The following ALDH4A1 variants were observed in gnomAD, a reference collection of about 807,000 sequenced individuals.
The protein encoded by ALDH4A1 is aldehyde dehydrogenase 4 family member A1.
In ALDH4A1, 46 loss-of-function variants were observed where a neutral mutation model predicts 70.5. That is an observed-to-expected ratio of 0.65 (90% CI 0.51 to 0.83). The LOEUF is 0.83. Among genes scored for constraint, ALDH4A1 ranks in the 40% least tolerant of loss-of-function variants. The pLI is 0.00. For synonymous variants in ALDH4A1, 323 were observed against 324.3 expected (o/e 1.00, Z 0.04); for missense variants, 749 against 766.5 (o/e 0.98, Z 0.27).
chr1:18,901,329 A>G (rs994602908), intron 1 of ALDH4A1, among the ~76,000 whole-genome samples: 5 of 152,198 alleles, frequency 3.3e-5, no homozygotes, highest in Non-Finnish European at 7.3e-5. Flanking sequence ...CCACCATGCC[A>G]TCCCTTGGGG....
rs1934694793 is a variant in ALDH4A1, at chr1:18,876,555, G to A, written c.1186-88C>T. 5.6e-6 allele frequency: 8 copies of A among 1,426,348 alleles called. No homozygotes were observed. In the African/African-American group the frequency reaches 8.5e-5, roughly 15 times the overall value. 88.4% of individuals were successfully genotyped at this position (1,426,348 alleles called of 1,614,324 possible). On this transcript the variant is annotated intron_variant, in intron 11 of 14. Coordinates refer to ENST00000375341, the MANE Select transcript of ALDH4A1 (RefSeq NM_003748.4). Reference sequence around the variant, plus strand: ...ACAACACACTCACCCCGAAACACCTGCACCTGAAGGGCCCAACTCCTGAAA... The same window carrying A: ...ACAACACACTCACCCCGAAACACCTACACCTGAAGGGCCCAACTCCTGAAA...
chr1:18,888,483 G>A (rs1237241776), intron 3 of ALDH4A1, among the ~76,000 whole-genome samples: 1 of 152,250 alleles, frequency 6.6e-6, no homozygotes, highest in African/African-American at 2.4e-5. Flanking sequence ...ATGAAAATCA[G>A]CAGTATCCAC....
At position 18,877,592 on chromosome 1, in the gene ALDH4A1, G is replaced by A; in HGVS notation, c.961C>T (p.His321Tyr). The change falls in exon 10 of 15, where the codon CAC (histidine) becomes TAC (tyrosine). Residue 321 changes from histidine to tyrosine, a missense_variant. Transcript: ENST00000375341. The stretch of plus-strand genomic sequence containing the variant: ...ACGTCGGCCGAGCGGTGCACGAAGT[G>A]GAAGTTCTTTCCGCCGCACTCTACA... Reference protein sequence around the residue: ...LAGECGGKNFHFVHRSADVES... With the variant: ...LAGECGGKNFYFVHRSADVES... The A allele has an allele frequency of 1.3e-6, 2 of 1,519,836 alleles. No individual in the cohort carries two copies. The highest frequency in any genetic ancestry group is 1.8e-6 in the Non-Finnish European group (2 of 1,122,390). 94.1% of individuals were successfully genotyped at this position (1,519,836 alleles called of 1,614,324 possible).
chr1:18,901,930 GAA>G (rs77510825), intron 1 of ALDH4A1, among the ~76,000 whole-genome samples: 13 of 99,060 alleles, frequency 1.3e-4, no homozygotes, highest in South Asian at 7.1e-4. Flanking sequence ...CATTTAACTT[GAA>G]AAAAAAAAAA....
chr1:18,877,687 T>A (rs1934777051), intron 9 of ALDH4A1, 75 bp from the exon 10 acceptor site: 3 of 1,525,122 alleles, frequency 2.0e-6, no homozygotes, highest in Middle Eastern at 2.3e-4. Flanking sequence ...AAACACCACC[T>A]ACGCCATCCA....
intron 13 of ALDH4A1, 83 bp from the exon 14 acceptor site, chr1:18,874,664 C>T: frequency 7.4e-7 from 1 of 1,356,290 alleles, no homozygotes; most frequent in South Asian, 1.2e-5. Flanking sequence ...CCTGCTCCAG[C>T]CCACACTGGC....
chr1:18,874,051 G>A (rs975692057), intron 14 of ALDH4A1, among the ~76,000 whole-genome samples: 12 of 152,192 alleles, frequency 7.9e-5, no homozygotes, highest in African/African-American at 1.4e-4. Flanking sequence ...AGAACTGGTC[G>A]GTGTGGGAAA....
intron 1 of ALDH4A1, among the ~76,000 whole-genome samples, chr1:18,896,825 A>T (rs556516732): frequency 6.6e-6 from 1 of 151,996 alleles, no homozygotes; most frequent in African/African-American, 2.4e-5. Context: ...CCCGGGAAGA[A>T]GAGGTTGGAG....
At chr1:18,885,427 T>TTG in intron 5 of ALDH4A1, 46 bp downstream of exon 5, 2 of 650,920 alleles carry the variant, frequency 3.1e-6, no homozygotes, top group Non-Finnish European at 5.4e-6. Context: ...CACACCTGAC[T>TTG]CCCACCCCAC....
chr1:18,885,102 G>A (rs1431276174), intron 5 of ALDH4A1, among the ~76,000 whole-genome samples: 1 of 152,126 alleles, frequency 6.6e-6, no homozygotes, highest in Admixed American at 6.5e-5. Context: ...TAAGCCAGGA[G>A]TAACATCCTG....
chr1:18,879,164 C>G, intron 9 of ALDH4A1, 136 bp downstream of exon 9: 2 of 818,324 alleles, frequency 2.4e-6, no homozygotes, highest in Non-Finnish European at 4.0e-6. Context: ...AAAAGTTCTA[C>G]TGGGCAGTGC....
In ALDH4A1 at chr1:18,877,530, G is replaced by A. The variant is rs769491686; in HGVS notation, c.1023C>T (p.Phe341=). The A allele has an allele frequency of 5.6e-6, 9 of 1,611,962 alleles. No individual in the cohort carries two copies. Among genetic ancestry groups the A allele is most frequent in the Non-Finnish European group, 7.6e-6 (9 of 1,179,418 alleles). ...CGGAACACTTCTGGCCACCGTACTC[G>A]AAGGCTGAGCGGAGGGTCCCGCTCA... ...SVVSGTLRSA[F]EYGGQKCSAC... The change falls in exon 10 of 15, where the codon TTC becomes TTT. Residue 341 remains phenylalanine, a synonymous_variant. Transcript: ENST00000375341.
At chr1:18,900,262 G>C (rs76946123) in intron 1 of ALDH4A1, among the ~76,000 whole-genome samples, 5,999 of 152,250 alleles carry the variant, frequency 0.039, 131 homozygotes, top group African/African-American at 0.062. Flanking sequence ...CAAAAGCAGC[G>C]GTTTTTCTCA....
intron 4 of ALDH4A1, 28 bp downstream of exon 4, chr1:18,886,436 G>T (rs772747266): frequency 6.2e-7 from 1 of 1,613,564 alleles, no homozygotes; most frequent in Non-Finnish European, 8.5e-7. Flanking sequence ...CCCTAACCCC[G>T]GGTCACCAGG....
Position 18,879,318 on chromosome 1 carries a change from A to G in ALDH4A1, c.922T>C (p.Phe308Leu). The G allele has an allele frequency of 6.2e-7, 1 of 1,610,498 alleles. No individual in the cohort carries two copies. The highest frequency in any genetic ancestry group is 8.5e-7 in the Non-Finnish European group (1 of 1,178,578). The change falls in exon 9 of 15, where the codon TTC becomes CTC. Residue 308 changes from phenylalanine to leucine, a missense_variant. Transcript: ENST00000375341. ...VAQNLDRFHTFPRLAGECGGK... is the reference protein window; with the variant it reads ...VAQNLDRFHTLPRLAGECGGK... ...GCCTTACCTCCAGCCAGGCGTGGGA[A>G]GGTGTGGAACCGGTCCAGGTTCTGG...
Position 18,890,270 on chromosome 1 carries a change from G to A in ALDH4A1, c.63-165C>T. 5 of 623,854 alleles carry A rather than the reference G, an allele frequency of 8.0e-6. No homozygotes were observed. The South Asian group carries it at 9.0e-5, about 11-fold the overall frequency. 38.6% of individuals were successfully genotyped at this position (623,854 alleles called of 1,614,324 possible). On this transcript the variant is annotated intron_variant, in intron 1 of 14. Coordinates refer to ENST00000375341, the MANE Select transcript of ALDH4A1 (RefSeq NM_003748.4). ...CAAAACCCCACCTTGGGCTGGGCAT[G>A]GTGGCTCACACCTGTAATCCCAGCA...
chr1:18,902,386 G>A, intron 1 of ALDH4A1, 76 bp downstream of exon 1: 1 of 1,205,646 alleles, frequency 8.3e-7, no homozygotes, highest in East Asian at 3.2e-5. Context: ...GTGCGGCGCG[G>A]GGGACGCCCA....
rs964992865 is a variant in ALDH4A1 at position 18,886,470 on chromosome 1, T to C, written c.291A>G (p.Ala97=). The change falls in exon 4 of 15, where the codon GCA becomes GCG. Residue 97 remains alanine, a synonymous_variant. Transcript: ENST00000375341. ...HGHKVAKFCY[A]DKSLLNKAIE... ...GGCACACAGGCTCACTCACCTTGTC[T>C]GCATAACAGAACTTGGCCACCTTAT... 5 of 1,614,184 alleles carry C rather than the reference T, an allele frequency of 3.1e-6. No individual in the cohort carries two copies. The Admixed American group carries it at 6.7e-5, about 22-fold the overall frequency.
rs1236721806 is a variant in ALDH4A1 at position 18,872,857 on chromosome 1, C to T, written c.1680G>A (p.Ala560=). 9.3e-6 allele frequency: 15 copies of T among 1,613,584 alleles called. No individual in the cohort carries two copies. The highest frequency in any genetic ancestry group is 6.7e-5 in the Admixed American group (4 of 59,998). ...GCCCGAGAGGGGCTCACTGCATGTACGCGTAGCTCCAGTCCCCCAGGGGCT... is the reference window on the plus strand; with the variant it reads ...GCCCGAGAGGGGCTCACTGCATGTATGCGTAGCTCCAGTCCCCCAGGGGCT... ...THKPLGDWSY[A]YMQ The change falls in exon 15 of 15, where the codon GCG becomes GCA. Residue 560 remains alanine (A), a synonymous_variant. Coordinates refer to ENST00000375341, the MANE Select transcript of ALDH4A1 (RefSeq NM_003748.4).
Sources: allele counts gnomAD v4.1 joint callset (sites outside exome capture counted in the v4.1 genomes callset), GRCh38; gene constraint gnomAD v4.1.1; transcripts MANE v1.5; gene names NCBI Gene and HGNC (gene_info 2026-07-23, HGNC 2026-07-21).